Variants in BMPR1B observed in about 807,000 individuals in gnomAD.
BMPR1B encodes the protein bone morphogenetic protein receptor type-1B.
BMPR1B carries 12 observed loss-of-function variants against 59.1 expected under a neutral mutation model. The observed-to-expected ratio is 0.20, with a 90% CI of 0.13 to 0.33. BMPR1B has a LOEUF of 0.33. BMPR1B is among the 10% of genes least tolerant of loss of function. The pLI is 1.00. For synonymous variants in BMPR1B, 237 were observed against 207.3 expected, an observed-to-expected ratio of 1.14 and a Z score of -1.23; for missense variants, 550 against 610.9, an observed-to-expected ratio of 0.90 and a Z score of 1.05.
At chr4:95,109,705 A>G (rs996579192) in intron 4 of BMPR1B, among the ~76,000 whole-genome samples, 2 of 149,988 alleles carry the variant, frequency 1.3e-5, no homozygotes, top group African/African-American at 4.9e-5. Flanking sequence ...TCTTTTTATT[A>G]TTATTATTAT....
chr4:95,016,350 C>T lies in BMPR1B; in HGVS notation c.-18+20216C>T, dbSNP rs1723589076. Among the ~76,000 whole-genome samples the T allele has an allele frequency of 1.3e-5, 2 of 151,926 alleles. 1 individual carries two copies. The highest frequency in any genetic ancestry group is 1.3e-4 in the Admixed American group (2 of 15,262). Reference sequence around the variant, plus strand: ...TGATATTTTTCAAATGATCAGTGATCAACACATGATGTTACAAAATTATGC... The same window carrying T: ...TGATATTTTTCAAATGATCAGTGATTAACACATGATGTTACAAAATTATGC... On this transcript the variant is annotated intron_variant, in intron 3 of 12. Transcript: ENST00000515059.
intron 2 of BMPR1B, among the ~76,000 whole-genome samples, chr4:94,880,605 G>A (rs1228030474): frequency 2.0e-5 from 3 of 150,696 alleles, no homozygotes; most frequent in African/African-American, 4.9e-5. Context: ...GATTAGAGGC[G>A]TGAATCACTG....
intron 1 of BMPR1B, among the ~76,000 whole-genome samples, chr4:94,788,960 C>T (rs958022377): frequency 2.0e-5 from 3 of 152,172 alleles, no homozygotes; most frequent in Admixed American, 6.5e-5. Flanking sequence ...CTATCCCAGC[C>T]TCCCCTGAGG....
intron 3 of BMPR1B, among the ~76,000 whole-genome samples, chr4:95,099,316 C>T (rs1426594728): frequency 6.6e-6 from 1 of 152,080 alleles, no homozygotes; most frequent in Non-Finnish European, 1.5e-5. Flanking sequence ...CTAATTACTT[C>T]CTTATATTGA....
At chr4:94,996,458 G>A (rs915623778) in intron 3 of BMPR1B, 5 of 152,128 alleles carry the variant, frequency 3.3e-5, no homozygotes, top group Admixed American at 1.3e-4. Context: ...TTTTATGTCG[G>A]TATTAAAACA....
intron 3 of BMPR1B, among the ~76,000 whole-genome samples, chr4:95,072,279 T>A (rs1728367585): frequency 6.6e-6 from 1 of 152,182 alleles, no homozygotes; most frequent in Non-Finnish European, 1.5e-5. Flanking sequence ...TAGATTTCAA[T>A]GTTAATCTCA....
chr4:94,848,329 TG>T, intron 1 of BMPR1B, among the ~76,000 whole-genome samples: 1 of 152,160 alleles, frequency 6.6e-6, no homozygotes, highest in Admixed American at 6.5e-5. Flanking sequence ...GAACTGCAAA[TG>T]GGGGATAAAT....
At chr4:94,773,088 ATTG>A (rs1351244437) in intron 1 of BMPR1B, among the ~76,000 whole-genome samples, 2 of 152,100 alleles carry the variant, frequency 1.3e-5, no homozygotes, top group African/African-American at 4.8e-5. Flanking sequence ...CAATACATTT[ATTG>A]TTCTTATTTT....
intron 3 of BMPR1B, among the ~76,000 whole-genome samples, chr4:95,013,963 T>G (rs953480212): frequency 2.6e-5 from 4 of 152,162 alleles, no homozygotes; most frequent in Admixed American, 1.3e-4. Flanking sequence ...AAGTGGCACA[T>G]TTGCTTAGTA....
chr4:95,138,781 T>C (rs929400372), intron 10 of BMPR1B, among the ~76,000 whole-genome samples: 2 of 152,210 alleles, frequency 1.3e-5, no homozygotes, highest in African/African-American at 4.8e-5. Context: ...ATCTTCTCCA[T>C]GCTGTTTATT....
At chr4:94,830,172 A>G (rs1486649689) in intron 1 of BMPR1B, among the ~76,000 whole-genome samples, 1 of 152,124 alleles carries the variant, frequency 6.6e-6, no homozygotes, top group Non-Finnish European at 1.5e-5. Flanking sequence ...CTTAGAGATA[A>G]ATAATAAACT....
At chr4:94,808,703 T>C (rs1412430499) in intron 1 of BMPR1B, among the ~76,000 whole-genome samples, 1 of 152,194 alleles carries the variant, frequency 6.6e-6, no homozygotes, top group Non-Finnish European at 1.5e-5. Flanking sequence ...GTTTCTGTTT[T>C]ATTTCGCCAT....
chr4:95,041,716 A>G (rs1725665043), intron 3 of BMPR1B, among the ~76,000 whole-genome samples: 1 of 151,808 alleles, frequency 6.6e-6, no homozygotes, highest in Non-Finnish European at 1.5e-5. Flanking sequence ...ACCAGTTCTC[A>G]GGGCTTTTAT....
chr4:95,138,727 G>A (rs1018322168), intron 10 of BMPR1B, among the ~76,000 whole-genome samples: 1 of 152,092 alleles, frequency 6.6e-6, no homozygotes, highest in Non-Finnish European at 1.5e-5. Context: ...CATGCATCAC[G>A]TAGTTCTTGT....
At chr4:94,795,946 C>T (rs1239322451) in intron 1 of BMPR1B, among the ~76,000 whole-genome samples, 2 of 150,510 alleles carry the variant, frequency 1.3e-5, no homozygotes, top group Non-Finnish European at 1.5e-5. Context: ...TCAGTCAGGC[C>T]AACTTTACGT....
chr4:94,831,465 T>C (rs1724588179), intron 1 of BMPR1B, among the ~76,000 whole-genome samples: 1 of 152,174 alleles, frequency 6.6e-6, no homozygotes, highest in Non-Finnish European at 1.5e-5. Context: ...GTTTATAAAG[T>C]CTGCATTAGT....
At position 95,125,162 on chromosome 4, in the gene BMPR1B, C is replaced by T. The variant is rs771977340; in HGVS notation, c.585+41C>T. ...ATCTTGAATTTAAAGGAAATGTTTT[C>T]TGAAAGAACTGTCAATGAATATGGG... On this transcript the variant is annotated intron_variant, in intron 8 of 12. Coordinates refer to ENST00000515059, the MANE Select transcript of BMPR1B (RefSeq NM_001203.3). 3 of 1,609,760 alleles carry T rather than the reference C, an allele frequency of 1.9e-6. No homozygotes were observed. In the Admixed American group the frequency reaches 5.0e-5, roughly 27 times the overall value.
At chr4:94,766,145 A>C (rs995531515) in intron 1 of BMPR1B, among the ~76,000 whole-genome samples, 8 of 152,164 alleles carry the variant, frequency 5.3e-5, no homozygotes, top group Non-Finnish European at 1.2e-4. Context: ...TTAAATTGCA[A>C]CCCTTTCTGA....
intron 1 of BMPR1B, among the ~76,000 whole-genome samples, chr4:94,835,056 A>G (rs776094179): frequency 6.6e-6 from 1 of 151,976 alleles, no homozygotes; most frequent in Non-Finnish European, 1.5e-5. Context: ...TCTTTTAGGA[A>G]GAAATGCAGA....
Sources: gnomAD v4.1 joint callset for allele counts (sites outside exome capture counted in the v4.1 genomes callset) on GRCh38, gnomAD v4.1.1 for gene constraint, MANE v1.5 for transcripts, NCBI Gene and HGNC (gene_info 2026-07-23, HGNC 2026-07-21) for gene names.